Variants in KCNIP4 observed in about 807,000 individuals in gnomAD.
The protein encoded by KCNIP4 is potassium voltage-gated channel interacting protein 4.
KCNIP4 carries 12 observed loss-of-function variants against 34.0 expected under a neutral mutation model. The ratio of observed to expected loss-of-function variants is 0.35; its 90% CI spans 0.23 to 0.57. The LOEUF (loss-of-function observed/expected upper bound fraction) is 0.57, where lower values mean the gene tolerates loss of function less well. Ranked by LOEUF, KCNIP4 falls within the 20% of genes least tolerant of loss-of-function variation. The pLI, the probability that KCNIP4 is intolerant of heterozygous loss-of-function variation, is 0.83. For synonymous variants in KCNIP4, 124 were observed against 102.2 expected (o/e 1.21, Z -1.29); for missense variants, 238 against 311.7 (o/e 0.76, Z 1.78).
intron 1 of KCNIP4, among the ~76,000 whole-genome samples, chr4:20,943,399 G>A (rs1173302501): frequency 6.6e-6 from 1 of 152,108 alleles, no homozygotes; most frequent in Non-Finnish European, 1.5e-5. Flanking sequence ...TACCATTTGT[G>A]GCAGAGGCAA....
intron 1 of KCNIP4, among the ~76,000 whole-genome samples, chr4:21,352,105 A>G (rs540198636): frequency 8.2e-4 from 125 of 152,274 alleles, no homozygotes; most frequent in African/African-American, 3.0e-3. Flanking sequence ...GAGATATTTT[A>G]TCTTGTTTTA....
At chr4:21,411,590 G>A (rs528558868) in intron 1 of KCNIP4, among the ~76,000 whole-genome samples, 4 of 152,278 alleles carry the variant, frequency 2.6e-5, no homozygotes, top group African/African-American at 9.6e-5. Context: ...CAAGATGAGT[G>A]GATCGCTGGA....
At chr4:21,108,194 G>A (rs1387779270) in intron 1 of KCNIP4, among the ~76,000 whole-genome samples, 8 of 150,770 alleles carry the variant, frequency 5.3e-5, no homozygotes, top group African/African-American at 2.0e-4. Flanking sequence ...CCTGCAGAGT[G>A]TTTTCCAACT....
intron 1 of KCNIP4, among the ~76,000 whole-genome samples, chr4:21,512,654 T>C (rs1407562212): frequency 6.6e-6 from 1 of 152,142 alleles, no homozygotes; most frequent in African/African-American, 2.4e-5. Flanking sequence ...TGGCAATAGG[T>C]TCATCTGTGC....
At chr4:21,074,724 G>C (rs1392889271) in intron 1 of KCNIP4, among the ~76,000 whole-genome samples, 2 of 152,090 alleles carry the variant, frequency 1.3e-5, no homozygotes, top group Non-Finnish European at 1.5e-5. Context: ...TTTTAATTGT[G>C]ATGTTAGGGT....
rs143406987 is a variant in KCNIP4 at position 20,780,323 on chromosome 4, A to T, written c.289-21433T>A. Among the ~76,000 whole-genome samples the T allele has an allele frequency of 2.0e-5, 3 of 152,176 alleles. 1 individual carries two copies. The highest frequency in any genetic ancestry group is 7.2e-5 in the African/African-American group (3 of 41,428). Reference sequence around the variant, plus strand: ...GATATCCATCAGAGTGAAAAGTGGAATGGAAAAGAAAATAATGGCATTTAA... The same window carrying T: ...GATATCCATCAGAGTGAAAAGTGGATTGGAAAAGAAAATAATGGCATTTAA... On this transcript the variant is annotated intron_variant, in intron 3 of 8. Coordinates refer to ENST00000382152, the MANE Select transcript of KCNIP4 (RefSeq NM_025221.6).
intron 1 of KCNIP4, among the ~76,000 whole-genome samples, chr4:21,409,790 G>T (rs1239008906): frequency 6.6e-6 from 1 of 152,176 alleles, no homozygotes; most frequent in Admixed American, 6.5e-5. Flanking sequence ...TGGGAACTGA[G>T]GGGACCATGC....
chr4:21,396,844 A>G (rs1723053874), intron 1 of KCNIP4, among the ~76,000 whole-genome samples: 1 of 152,202 alleles, frequency 6.6e-6, no homozygotes, highest in South Asian at 2.1e-4. Context: ...TCTCTTAGAG[A>G]TTCCAGAAGG....
At chr4:21,519,725 C>CGTGTGTGTATGT (rs1560480944) in intron 1 of KCNIP4, among the ~76,000 whole-genome samples, 1 of 112,018 alleles carries the variant, frequency 8.9e-6, no homozygotes, top group African/African-American at 3.9e-5. Flanking sequence ...TATATACACA[C>CGTGTGTGTATGT]GTGTGTATAT....
chr4:21,778,695 T>C (rs1363546967), intron 1 of KCNIP4, among the ~76,000 whole-genome samples: 1 of 148,630 alleles, frequency 6.7e-6, no homozygotes, highest in East Asian at 1.9e-4. Flanking sequence ...TATCCTTTGA[T>C]ACAAATTAAG....
intron 1 of KCNIP4, among the ~76,000 whole-genome samples, chr4:20,894,296 G>T (rs762678606): frequency 5.3e-5 from 8 of 152,166 alleles, no homozygotes; most frequent in Non-Finnish European, 1.0e-4. Context: ...GATGGCGAGA[G>T]AACACAAATA....
chr4:20,929,291 C>T (rs916596051), intron 1 of KCNIP4, among the ~76,000 whole-genome samples: 29 of 151,960 alleles, frequency 1.9e-4, no homozygotes, highest in African/African-American at 7.0e-4. Flanking sequence ...ACAGAATTTT[C>T]TCAATCAACA....
At chr4:20,764,012 G>T (rs1755175082) in intron 3 of KCNIP4, among the ~76,000 whole-genome samples, 2 of 152,106 alleles carry the variant, frequency 1.3e-5, no homozygotes, top group East Asian at 3.9e-4. Flanking sequence ...TTTTTCTAAG[G>T]ATCCAAGAAG....
chr4:21,311,342 C>A (rs894295282), intron 1 of KCNIP4, among the ~76,000 whole-genome samples: 4 of 152,126 alleles, frequency 2.6e-5, no homozygotes, highest in African/African-American at 4.8e-5. Context: ...AGCTGACCAC[C>A]ATCTTCACCA....
intron 1 of KCNIP4, among the ~76,000 whole-genome samples, chr4:21,726,350 A>G (rs1034063334): frequency 6.6e-6 from 1 of 152,154 alleles, no homozygotes; most frequent in African/African-American, 2.4e-5. Context: ...TTACTAATAA[A>G]CTGTATTTTA....
At chr4:20,753,299 T>C (rs1004830573) in intron 4 of KCNIP4, among the ~76,000 whole-genome samples, 2 of 151,904 alleles carry the variant, frequency 1.3e-5, no homozygotes, top group Admixed American at 6.6e-5. Flanking sequence ...GATACTAGAG[T>C]AGAAAAAACC....
chr4:21,807,371 A>G (rs1328744602), intron 1 of KCNIP4, among the ~76,000 whole-genome samples: 1 of 152,136 alleles, frequency 6.6e-6, no homozygotes, highest in Non-Finnish European at 1.5e-5. Context: ...TAATTTACAC[A>G]TCTCCATGAA....
At chr4:21,199,261 C>G (rs561679983) in intron 1 of KCNIP4, among the ~76,000 whole-genome samples, 7 of 152,246 alleles carry the variant, frequency 4.6e-5, no homozygotes, top group Admixed American at 3.3e-4. Context: ...TAATGATCGC[C>G]ATTCTAACTA....
At chr4:21,363,885 A>G (rs1240895824) in intron 1 of KCNIP4, among the ~76,000 whole-genome samples, 1 of 152,114 alleles carries the variant, frequency 6.6e-6, no homozygotes, top group Non-Finnish European at 1.5e-5. Context: ...AATAACATGA[A>G]TTTTCCAAAT....
Sources: gnomAD v4.1 joint callset for allele counts (sites outside exome capture counted in the v4.1 genomes callset) on GRCh38, gnomAD v4.1.1 for gene constraint, MANE v1.5 for transcripts, NCBI Gene and HGNC (gene_info 2026-07-23, HGNC 2026-07-21) for gene names.